The following GMDS variants were observed in gnomAD, a reference collection of about 807,000 sequenced individuals.
The protein encoded by GMDS is GDP-mannose 4,6-dehydratase.
A neutral mutation model predicts 49.9 loss-of-function variants in GMDS; 20 were observed. The ratio of observed to expected loss-of-function variants is 0.40; its 90% confidence interval spans 0.28 to 0.58. The LOEUF is 0.58. Ranked by LOEUF, GMDS falls within the 20% of genes least tolerant of loss-of-function variation. The pLI, the probability that GMDS is intolerant of heterozygous loss-of-function variation, is 0.42. For missense variants in GMDS, 362 were observed against 481.4 expected (o/e 0.75, Z 2.32); for synonymous variants, 177 against 178.6 (o/e 0.99, Z 0.07).
At chr6:2,004,498 C>T (rs1767033133) in intron 4 of GMDS, among the ~76,000 whole-genome samples, 3 of 152,260 alleles carry the variant, frequency 2.0e-5, no homozygotes, top group South Asian at 4.1e-4. Context: ...AAAGGTATTT[C>T]TCCTCTTAAG....
chr6:1,813,018 G>C (rs1231705230), intron 7 of GMDS, among the ~76,000 whole-genome samples: 4 of 151,940 alleles, frequency 2.6e-5, no homozygotes, highest in African/African-American at 9.7e-5. Context: ...AGGCGGTCGA[G>C]ACCAGCTGGG....
At chr6:1,869,143 C>T (rs964339725) in intron 7 of GMDS, among the ~76,000 whole-genome samples, 1 of 152,190 alleles carries the variant, frequency 6.6e-6, no homozygotes, top group Non-Finnish European at 1.5e-5. Context: ...GGGGAGATAG[C>T]TCACGCTGCT....
chr6:1,765,996 T>C (rs1282363802), intron 7 of GMDS, among the ~76,000 whole-genome samples: 1 of 152,162 alleles, frequency 6.6e-6, no homozygotes, highest in Admixed American at 6.5e-5. Context: ...GAAACATGCC[T>C]GGTGCCTTTA....
intron 9 of GMDS, among the ~76,000 whole-genome samples, chr6:1,641,064 T>A (rs1387226421): frequency 1.3e-5 from 2 of 152,204 alleles, no homozygotes; most frequent in Non-Finnish European, 2.9e-5. Flanking sequence ...CCTGTATATA[T>A]TTCTTCCTCT....
intron 1 of GMDS, among the ~76,000 whole-genome samples, chr6:2,223,438 C>T (rs530539039): frequency 3.4e-5 from 5 of 148,860 alleles, no homozygotes; most frequent in African/African-American, 1.0e-4. Flanking sequence ...GATGGTCACT[C>T]CAGCTAAAAC....
chr6:1,913,321 C>A lies in GMDS; in HGVS notation c.771+16782G>T, dbSNP rs372699870. 8.8e-4 allele frequency among the ~76,000 whole-genome samples: 127 copies of A among 143,832 alleles called. 2 individuals are homozygous for A. The East Asian group carries it at 0.02, about 23-fold the overall frequency. 94.4% of individuals were successfully genotyped at this position (143,832 alleles called of 152,430 possible). On this transcript the variant is annotated intron_variant, in intron 7 of 10. Coordinates refer to ENST00000380815, the MANE Select transcript of GMDS (RefSeq NM_001500.4). ...GCGTGAACCCGGGAGGCGGAGCTTGCAGTGAGCCGAGATCCTGCCACTGCA... is the reference window on the plus strand; with the variant it reads ...GCGTGAACCCGGGAGGCGGAGCTTGAAGTGAGCCGAGATCCTGCCACTGCA...
At chr6:2,179,378 C>G (rs145853489) in intron 1 of GMDS, among the ~76,000 whole-genome samples, 3 of 152,266 alleles carry the variant, frequency 2.0e-5, no homozygotes, top group African/African-American at 7.2e-5. Context: ...TGCCCCAAAT[C>G]ATGTGTTAAA....
chr6:1,818,719 C>CAT (rs548708972), intron 7 of GMDS, among the ~76,000 whole-genome samples: 7 of 151,266 alleles, frequency 4.6e-5, no homozygotes, highest in Middle Eastern at 3.4e-3. Flanking sequence ...TATACACATG[C>CAT]ATATATATAT....
At chr6:1,822,135 T>C (rs1315138829) in intron 7 of GMDS, among the ~76,000 whole-genome samples, 1 of 152,216 alleles carries the variant, frequency 6.6e-6, no homozygotes, top group Non-Finnish European at 1.5e-5. Flanking sequence ...CACTGAGTCC[T>C]GCATAATGAA....
intron 1 of GMDS, among the ~76,000 whole-genome samples, chr6:2,239,637 A>T (rs1781519107): frequency 6.6e-6 from 1 of 152,100 alleles, no homozygotes; most frequent in Non-Finnish European, 1.5e-5. Flanking sequence ...ACAGTCTTTG[A>T]TTAAGCAGGA....
rs13195862 is a variant in GMDS, at chr6:1,990,755, T to G, written c.346-29789A>C. On this transcript the variant is annotated intron_variant, in intron 4 of 10. Transcript: ENST00000380815. Reference sequence around the variant, plus strand: ...ACACCCAGCTAATTTTTTTTTTTTTTGGGGGGGTAGAGGCAGGGTTTCACC... The same window carrying G: ...ACACCCAGCTAATTTTTTTTTTTTTGGGGGGGGTAGAGGCAGGGTTTCACC... Among the ~76,000 whole-genome samples the G allele has an allele frequency of 8.6e-3, 1,177 of 136,494 alleles. 10 individuals are homozygous for G. Among genetic ancestry groups the G allele is most frequent in the African/African-American group, 0.017 (673 of 39,700 alleles). The allele number at this position is 136,494 out of a possible 152,430, so 89.5% of individuals were successfully genotyped here.
At chr6:1,898,016 T>A (rs111788210) in intron 7 of GMDS, among the ~76,000 whole-genome samples, 510 of 50,974 alleles carry the variant, frequency 0.01, 17 homozygotes, top group East Asian at 0.04. Context: ...TACCCTGGCC[T>A]CCCTTGCCAT....
At chr6:1,835,859 TTTTATTTTATTTTTTA>T (rs1561836382) in intron 7 of GMDS, among the ~76,000 whole-genome samples, 3 of 140,096 alleles carry the variant, frequency 2.1e-5, no homozygotes, top group African/African-American at 5.7e-5. Context: ...TTGCTTTTTA[TTTTATTTTATTTTTTA>T]TTTATTTTAT....
chr6:1,847,769 T>G (rs1032671562), intron 7 of GMDS, among the ~76,000 whole-genome samples: 1 of 152,116 alleles, frequency 6.6e-6, no homozygotes, highest in Non-Finnish European at 1.5e-5. Context: ...TACTAATCAG[T>G]TGGTAAGTTC....
At chr6:1,991,836 G>A (rs1296795766) in intron 4 of GMDS, among the ~76,000 whole-genome samples, 5 of 152,218 alleles carry the variant, frequency 3.3e-5, no homozygotes. Context: ...CAGGGGTAGG[G>A]TTGGCACACA....
At chr6:1,767,568 C>T (rs899217494) in intron 7 of GMDS, among the ~76,000 whole-genome samples, 3 of 152,234 alleles carry the variant, frequency 2.0e-5, no homozygotes, top group Non-Finnish European at 4.4e-5. Flanking sequence ...AGACTGACCT[C>T]TGAGTCAAGC....
chr6:1,896,614 C>A (rs1200731269), intron 7 of GMDS, among the ~76,000 whole-genome samples: 1 of 151,988 alleles, frequency 6.6e-6, no homozygotes, highest in Non-Finnish European at 1.5e-5. Flanking sequence ...GAGGCAGGAC[C>A]CATGTGAGGC....
chr6:1,966,799 C>T (rs758369171), intron 4 of GMDS, among the ~76,000 whole-genome samples: 1 of 152,174 alleles, frequency 6.6e-6, no homozygotes, highest in African/African-American at 2.4e-5. Flanking sequence ...AAATAGCACC[C>T]ATTCCAAGCA....
intron 1 of GMDS, among the ~76,000 whole-genome samples, chr6:2,169,236 C>T (rs1051405940): frequency 2.0e-5 from 3 of 152,128 alleles, no homozygotes; most frequent in South Asian, 2.1e-4. Context: ...TTATTAATAT[C>T]GTTATTACAA....
Sources: gnomAD v4.1 joint callset for allele counts (sites outside exome capture counted in the v4.1 genomes callset) on GRCh38, gnomAD v4.1.1 for gene constraint, MANE v1.5 for transcripts, NCBI Gene and HGNC (gene_info 2026-07-23, HGNC 2026-07-21) for gene names.